PRPSAP1: variants seen among roughly 807,000 people sequenced by gnomAD.
The protein encoded by PRPSAP1 is phosphoribosyl pyrophosphate synthase-associated protein 1.
Under a neutral mutation model 39.4 loss-of-function variants are expected in PRPSAP1, and 31 were observed. The ratio of observed to expected loss-of-function variants is 0.79; its 90% CI spans 0.59 to 1.06. PRPSAP1 has a LOEUF of 1.06. PRPSAP1 is among the 50% of genes least tolerant of loss of function. The pLI is 0.00. For missense variants in PRPSAP1, 430 were observed against 511.6 expected (o/e 0.84, Z 1.54); for synonymous variants, 212 against 192.6 (o/e 1.10, Z -0.83).
intron 7 of PRPSAP1, among the ~76,000 whole-genome samples, chr17:76,322,480 A>G (rs1191293162): frequency 1.3e-5 from 2 of 152,168 alleles, no homozygotes; most frequent in Admixed American, 1.3e-4. Context: ...CATGCCCGCT[A>G]ATACAACATC....
chr17:76,348,502 T>TA (rs745768447), intron 2 of PRPSAP1, 27 bp downstream of exon 2: 140 of 1,339,180 alleles, frequency 1.0e-4, no homozygotes, highest in Non-Finnish European at 1.2e-4. Flanking sequence ...AAAATAATTT[T>TA]AAAAAAAAGA....
At chr17:76,333,814 C>T (rs901229191) in intron 3 of PRPSAP1, among the ~76,000 whole-genome samples, 6 of 152,168 alleles carry the variant, frequency 3.9e-5, no homozygotes, top group Non-Finnish European at 8.8e-5. Context: ...GGATTGCTAG[C>T]TTTTGCCAAG....
At chr17:76,350,904 G>A (rs936907446) in intron 1 of PRPSAP1, among the ~76,000 whole-genome samples, 1 of 152,060 alleles carries the variant, frequency 6.6e-6, no homozygotes, top group African/African-American at 2.4e-5. Flanking sequence ...TGGTGGTGCA[G>A]CCTGTAATCC....
chr17:76,324,386 G>A (rs1284527009), intron 7 of PRPSAP1, among the ~76,000 whole-genome samples: 1 of 151,764 alleles, frequency 6.6e-6, no homozygotes, highest in Non-Finnish European at 1.5e-5. Flanking sequence ...ATCATCTGAG[G>A]TCAGGAGTTC....
At chr17:76,342,451 T>C (rs947876043) in intron 3 of PRPSAP1, among the ~76,000 whole-genome samples, 1 of 152,086 alleles carries the variant, frequency 6.6e-6, no homozygotes, top group African/African-American at 2.4e-5. Flanking sequence ...TGGTGGTTCA[T>C]GTCTGTAATC....
chr17:76,347,995 C>A (rs2071528510), intron 2 of PRPSAP1, among the ~76,000 whole-genome samples: 1 of 151,994 alleles, frequency 6.6e-6, no homozygotes, highest in Admixed American at 6.6e-5. Flanking sequence ...AGTAAGGAAG[C>A]AGTAGTAAGA....
At chr17:76,313,765 C>T in intron 8 of PRPSAP1, 56 bp downstream of exon 8, 1 of 1,578,484 alleles carries the variant, frequency 6.3e-7, no homozygotes, top group Non-Finnish European at 8.7e-7. Context: ...AGTGGACAAC[C>T]TACTGACCAA....
chr17:76,332,984 G>A (rs897325363), intron 3 of PRPSAP1, among the ~76,000 whole-genome samples: 10 of 148,674 alleles, frequency 6.7e-5, no homozygotes, highest in Admixed American at 5.4e-4. Flanking sequence ...TCCGCCCCCC[G>A]AGGTTCACGC....
intron 3 of PRPSAP1, among the ~76,000 whole-genome samples, chr17:76,333,974 G>A (rs424453): frequency 0.31 from 46,543 of 151,942 alleles, 8,356 homozygotes; most frequent in African/African-American, 0.5. Flanking sequence ...CTGCAGCCTC[G>A]AACTCCCGGG....
At chr17:76,327,265 T>C (rs2071264650) in intron 7 of PRPSAP1, among the ~76,000 whole-genome samples, 1 of 152,004 alleles carries the variant, frequency 6.6e-6, no homozygotes. Context: ...GGAGAACTGC[T>C]TGAACCCAAG....
At chr17:76,346,755 G>A (rs1336561216) in intron 2 of PRPSAP1, among the ~76,000 whole-genome samples, 3 of 152,196 alleles carry the variant, frequency 2.0e-5, no homozygotes, top group Non-Finnish European at 4.4e-5. Flanking sequence ...AGTTTGGCCG[G>A]GCGCGGTGGC....
chr17:76,340,369 C>A (rs1477085632), intron 3 of PRPSAP1, among the ~76,000 whole-genome samples: 1 of 151,704 alleles, frequency 6.6e-6, no homozygotes. Context: ...GTCATTTCTT[C>A]ATGCTTCTTT....
chr17:76,320,645 G>A (rs1456967922), intron 7 of PRPSAP1, among the ~76,000 whole-genome samples: 1 of 150,302 alleles, frequency 6.7e-6, no homozygotes, highest in East Asian at 2.0e-4. Flanking sequence ...ATGTTGGCCA[G>A]GCTGGTCTCG....
chr17:76,353,551 C>T lies in PRPSAP1; in HGVS notation c.153G>A (p.Leu51=). The T allele has an allele frequency of 6.5e-7, 1 of 1,545,832 alleles. No homozygotes were observed. The highest frequency in any genetic ancestry group is 8.7e-7 in the Non-Finnish European group (1 of 1,150,910). Reference sequence around the variant, plus strand: ...CCCCTTACTCTGTGATGCGCTTGGCCAGCTCCGTGCAGGCGGCCGTGGAGT... The same window carrying T: ...CCCCTTACTCTGTGATGCGCTTGGCTAGCTCCGTGCAGGCGGCCGTGGAGT... The part of the protein sequence containing the change: ...SANSTAACTE[L]AKRITERLGA... Residue 51 remains leucine (L), a synonymous_variant, in exon 1 of 10, where the codon CTG becomes CTA. Transcript: ENST00000446526.
chr17:76,332,477 A>T, intron 3 of PRPSAP1, 42 bp from the exon 4 acceptor site: 1 of 1,606,542 alleles, frequency 6.2e-7, no homozygotes, highest in Non-Finnish European at 8.5e-7. Flanking sequence ...AATTCCATGT[A>T]TCAACCCTAG....
intron 3 of PRPSAP1, among the ~76,000 whole-genome samples, chr17:76,342,487 G>A (rs1047077529): frequency 1.3e-5 from 2 of 152,044 alleles, no homozygotes; most frequent in Non-Finnish European, 2.9e-5. Flanking sequence ...GCTGAGGCGG[G>A]TGGATCACTT....
intron 3 of PRPSAP1, among the ~76,000 whole-genome samples, chr17:76,342,584 G>A (rs571129017): frequency 6.6e-6 from 1 of 151,530 alleles, no homozygotes; most frequent in African/African-American, 2.4e-5. Context: ...CAGGATGGTG[G>A]CACACACCTA....
chr17:76,337,139 G>A (rs1342122208), intron 3 of PRPSAP1, among the ~76,000 whole-genome samples: 2 of 151,990 alleles, frequency 1.3e-5, no homozygotes, highest in African/African-American at 2.4e-5. Flanking sequence ...AGCTGGTCTT[G>A]TACTCCTGGG....
chr17:76,341,234 GTTTTTTTTTTTTT>G, intron 3 of PRPSAP1, among the ~76,000 whole-genome samples: 1 of 119,998 alleles, frequency 8.3e-6, no homozygotes, highest in Admixed American at 9.1e-5. Flanking sequence ...ACTTTTTTTT[GTTTTTTTTTTTTT>G]TTTTTTTTGA....
Sources: gnomAD v4.1 joint callset for allele counts (sites outside exome capture counted in the v4.1 genomes callset) on GRCh38, gnomAD v4.1.1 for gene constraint, MANE v1.5 for transcripts, NCBI Gene and HGNC (gene_info 2026-07-23, HGNC 2026-07-21) for gene names.